Variants in TTN observed in about 807,000 individuals in gnomAD.
TTN encodes the protein connectin.
TTN carries 1,525 observed loss-of-function variants against 3,223.0 expected under a neutral mutation model. The observed-to-expected ratio is 0.47, with a 90% CI of 0.45 to 0.49. The LOEUF (loss-of-function observed/expected upper bound fraction) is 0.49. Among genes scored for constraint, TTN ranks in the 20% least tolerant of loss-of-function variants. The pLI is 0.00. For synonymous variants in TTN, 14,094 were observed against 15,161.0 expected (o/e 0.93, Z 5.17); for missense variants, 40,786 against 43,424.0 (o/e 0.94, Z 5.40).
chr2:178,712,417 G>T lies in TTN; in HGVS notation c.27505C>A (p.Leu9169Met). 1 of 1,613,802 alleles carries T rather than the reference G, an allele frequency of 6.2e-7. No individual in the cohort carries two copies. The highest frequency in any genetic ancestry group is 8.5e-7 in the Non-Finnish European group (1 of 1,179,806). ...NITTTEKSAILEIPSSTVEDA... is the reference protein window; with the variant it reads ...NITTTEKSAIMEIPSSTVEDA... Reference sequence around the variant, plus strand: ...TCTACTGTGCTACTTGGAATTTCCAGGATTGCCGATTTTTCAGTCGTAGTT... The same window carrying T: ...TCTACTGTGCTACTTGGAATTTCCATGATTGCCGATTTTTCAGTCGTAGTT... Residue 9169 changes from leucine (L) to methionine (M), a missense_variant, in exon 95 of 363, where the codon CTG becomes ATG. Transcript: ENST00000589042.
rs1453789718 is a variant in TTN at position 178,560,231 on chromosome 2, CTT to C, written c.85899_85900del (p.Leu28635SerfsTer3). ...TAAGGGAGAGGTTTCACTTGGAAGA[CTT>C]AGGCCAGCAGCATTTTCTGCATAAA... On this transcript the variant is annotated frameshift_variant, in exon 326 of 363. Transcript: ENST00000589042. LOFTEE classifies it high-confidence loss of function. The C allele has an allele frequency of 1.2e-6, 2 of 1,613,776 alleles. No homozygotes were observed. The highest frequency in any genetic ancestry group is 1.1e-5 in the South Asian group (1 of 91,072).
rs1243412494 is a variant in TTN, at chr2:178,568,377, C to T, written c.77755G>A (p.Gly25919Arg). ...ATGTAGTTGGTGATTTGGCAGCCCC[C>T]TGTATATAATGGAGGGTTCCAAGAT... The part of the protein sequence containing the change: ...TLSWNPPLYT[G>R]GCQITNYIVQ... Residue 25919 changes from glycine to arginine, a missense_variant, in exon 326 of 363, where the codon GGG (glycine) becomes AGG (arginine). Physicochemically the swap from Gly to Arg is moderately radical, Grantham distance 125. Transcript: ENST00000589042. 1 of 1,613,238 alleles carries T rather than the reference C, an allele frequency of 6.2e-7. No individual in the cohort carries two copies. Among genetic ancestry groups the T allele is most frequent in the Non-Finnish European group, 8.5e-7 (1 of 1,179,540 alleles).
Position 178,547,223 on chromosome 2 carries a change from G to A in TTN, c.94302C>T (p.His31434=), listed in dbSNP as rs771212876. 2.0e-5 allele frequency: 33 copies of A among 1,613,656 alleles called. No homozygotes were observed. In the South Asian group the frequency reaches 2.1e-4, roughly 10 times the overall value. The change falls in exon 340 of 363, where the codon CAC becomes CAT. Residue 31434 remains histidine, a synonymous_variant. Coordinates refer to ENST00000589042, the MANE Select transcript of TTN (RefSeq NM_001267550.2). ...AMSIRWEEPY[H]DGGSKIIGYW... ...AGCCAATGATTTTACTGCCACCATC[G>A]TGGTAGGGTTCTTCCCAACGAATAG... is the stretch of plus-strand genomic sequence containing the variant.
rs2049601755 is a variant in TTN, at chr2:178,588,748, T to G, written c.62977A>C (p.Lys20993Gln). 6.2e-7 allele frequency: 1 copy of G among 1,613,206 alleles called. No homozygotes were observed. The highest frequency in any genetic ancestry group is 8.5e-7 in the Non-Finnish European group (1 of 1,179,564). ...VWNPPEYDGG[K>Q]SITGYFLEKK... Reference sequence around the variant, plus strand: ...TCCAAAAAGTATCCAGTTATAGACTTTCCACCATCATATTCAGGTGGATTC... The same window carrying G: ...TCCAAAAAGTATCCAGTTATAGACTGTCCACCATCATATTCAGGTGGATTC... Residue 20993 changes from lysine (K) to glutamine (Q), a missense_variant, in exon 304 of 363, where the codon AAG becomes CAG. Physicochemically the swap from Lys to Gln is moderately conservative, Grantham distance 53. Coordinates refer to ENST00000589042, the MANE Select transcript of TTN (RefSeq NM_001267550.2).
At chr2:178,697,259 T>C in intron 112 of TTN, 91 bp from the exon 113 acceptor site, 1 of 1,128,240 alleles carries the variant, frequency 8.9e-7, no homozygotes, top group Non-Finnish European at 1.2e-6. Flanking sequence ...GTTAGTTGTT[T>C]GTAGGAGCTA....
At chr2:178,672,536 A>G in intron 153 of TTN, 55 bp from the exon 154 acceptor site, 2 of 1,601,078 alleles carry the variant, frequency 1.2e-6, no homozygotes, top group Non-Finnish European at 1.7e-6. Context: ...TTTCATAGAC[A>G]AAAATCATCA....
At chr2:178,691,910 G>T in intron 121 of TTN, 106 bp downstream of exon 121, 1 of 874,982 alleles carries the variant, frequency 1.1e-6, no homozygotes, top group Non-Finnish European at 1.7e-6. Flanking sequence ...CAAGAAGAAT[G>T]TAAAAGAGAC....
Position 178,579,722 on chromosome 2 carries a change from G to C in TTN, c.67475C>G (p.Thr22492Ser). The stretch of plus-strand genomic sequence containing the variant: ...AACTCGTTGCCACTTATTTTCTTCA[G>C]TCAGGAAATCAACTACATATCCAAT... ...RIIGYVVDFL[T>S]EENKWQRVMK... The change falls in exon 319 of 363, where the codon ACT becomes AGT. Residue 22492 changes from threonine (T) to serine (S), a missense_variant. Transcript: ENST00000589042. The C allele has an allele frequency of 1.9e-6, 3 of 1,613,216 alleles. No homozygotes were observed. The highest frequency in any genetic ancestry group is 2.5e-6 in the Non-Finnish European group (3 of 1,179,500).
chr2:178,725,259 G>T, intron 71 of TTN, 109 bp downstream of exon 71: 1 of 1,179,154 alleles, frequency 8.5e-7, no homozygotes, highest in Non-Finnish European at 1.1e-6. Flanking sequence ...TCAAATAGAT[G>T]AGGATAAATA....
At position 178,685,605 on chromosome 2, in the gene TTN, A is replaced by G; in HGVS notation, c.32312-7T>C. On this transcript the variant is annotated splice_polypyrimidine_tract_variant and splice_region_variant and intron_variant, in intron 127 of 362. Coordinates refer to ENST00000589042, the MANE Select transcript of TTN (RefSeq NM_001267550.2). ...TCCTCAGGCTCTTCCATCACTTTAA[A>G]GACAGCAGTTTTAAAGAAGATAAAT... The G allele has an allele frequency of 6.2e-7, 1 of 1,612,592 alleles. No individual in the cohort carries two copies. Among genetic ancestry groups the G allele is most frequent in the African/African-American group, 1.3e-5 (1 of 75,008 alleles).
chr2:178,728,229 T>A lies in TTN; in HGVS notation c.19595A>T (p.His6532Leu). 6.2e-7 allele frequency: 1 copy of A among 1,613,212 alleles called. No homozygotes were observed. The highest frequency in any genetic ancestry group is 1.3e-5 in the African/African-American group (1 of 75,004). The change falls in exon 67 of 363, where the codon CAT (histidine) becomes CTT (leucine). Residue 6532 changes from histidine (H) to leucine (L), a missense_variant. By Grantham distance (99) the His-to-Leu change is moderately conservative (BLOSUM62 -3). Transcript: ENST00000589042. ...AACTTCCAGAGACACAGATCTCTCA[T>A]GGCACACAAGTCTGTATTTTGCACT... is the stretch of plus-strand genomic sequence containing the variant. ...STSAKYRLVCHERSVSLEVNN... is the reference protein window; with the variant it reads ...STSAKYRLVCLERSVSLEVNN...
chr2:178,649,035 T>C (rs1417880563), intron 213 of TTN, among the ~76,000 whole-genome samples: 1 of 152,174 alleles, frequency 6.6e-6, no homozygotes, highest in Non-Finnish European at 1.5e-5. Context: ...TTTCTACTAG[T>C]TGTAGCCATG....
Position 178,547,913 on chromosome 2 carries a change from G to T in TTN, c.93713C>A (p.Pro31238Gln). ...TTTGGGGGCAGGACGACCACTGATT[G>T]GTACGTCAATGGTAAATGGGCTTCC... is the stretch of plus-strand genomic sequence containing the variant. ...KAGSPFTIDV[P>Q]ISGRPAPKVT... The change falls in exon 339 of 363, where the codon CCA (proline) becomes CAA (glutamine). Residue 31238 changes from proline (P) to glutamine (Q), a missense_variant. Physicochemically the swap from Pro to Gln is moderately conservative, Grantham distance 76. Transcript: ENST00000589042. The T allele has an allele frequency of 6.2e-7, 1 of 1,613,784 alleles. No individual in the cohort carries two copies. The highest frequency in any genetic ancestry group is 2.2e-5 in the East Asian group (1 of 44,828).
In TTN at chr2:178,575,482, G is replaced by A. The variant is rs794729487; in HGVS notation, c.70650C>T (p.Ser23550=). The change falls in exon 326 of 363, where the codon AGC becomes AGT. Residue 23550 remains serine (S), a synonymous_variant. Coordinates refer to ENST00000589042, the MANE Select transcript of TTN (RefSeq NM_001267550.2). The surrounding 1 kb of genome is among the most constrained non-coding windows in gnomAD (Gnocchi z 4.0). ...NIMDITKSTV[S]LAWPKPKHDG... is the part of the protein sequence containing the mutation. ...CGTGTTTGGGCTTAGGCCATGCCAG[G>A]CTGACGGTGCTCTTAGTTATGTCCA... 1.9e-6 allele frequency: 3 copies of A among 1,613,522 alleles called. No homozygotes were observed. The highest frequency in any genetic ancestry group is 2.5e-6 in the Non-Finnish European group (3 of 1,179,660).
chr2:178,594,844 A>G (rs886352032), intron 295 of TTN, among the ~76,000 whole-genome samples, 198 bp from the exon 296 acceptor site: 2 of 152,130 alleles, frequency 1.3e-5, no homozygotes, highest in Admixed American at 6.5e-5. Context: ...CACTTGACAG[A>G]TGAGGAAATA....
chr2:178,559,487 A>G lies in TTN; in HGVS notation c.86645T>C (p.Ile28882Thr), dbSNP rs374491926. 6 of 1,613,484 alleles carry G rather than the reference A, an allele frequency of 3.7e-6. No individual in the cohort carries two copies. The African/African-American group carries it at 5.3e-5, about 14-fold the overall frequency. The change falls in exon 326 of 363, where the codon ATA becomes ACA. Residue 28882 changes from isoleucine to threonine, a missense_variant. Ile to Thr is a moderately conservative substitution (Grantham distance 89). Transcript: ENST00000589042. ...DGGAPVKNYH[I>T]EKREASKKAW... ...TTTCTTGCTGGCCTCACGTTTTTCT[A>G]TGTGGTAATTCTTCACTGGTGCTCC...
chr2:178,631,317 A>C lies in TTN; in HGVS notation c.43748-17T>G. 1 of 1,589,256 alleles carries C rather than the reference A, an allele frequency of 6.3e-7. No homozygotes were observed. The highest frequency in any genetic ancestry group is 1.1e-5 in the South Asian group (1 of 87,438). ...GGTCTCCCTCTGCAAGTAAAGTATA[A>C]GTGAAAAGCTTTTATTAATCACCTT... is the stretch of plus-strand genomic sequence containing the variant. On this transcript the variant is annotated splice_polypyrimidine_tract_variant and intron_variant, in intron 236 of 362. Transcript: ENST00000589042.
rs1333523637 is a variant in TTN at position 178,573,453 on chromosome 2, T to G, written c.72679A>C (p.Lys24227Gln). Residue 24227 changes from lysine to glutamine, a missense_variant, in exon 326 of 363, where the codon AAA becomes CAA. Physicochemically the swap from Lys to Gln is moderately conservative, Grantham distance 53. Coordinates refer to ENST00000589042, the MANE Select transcript of TTN (RefSeq NM_001267550.2). ...GTAATAGTTGTCACTTCAGGGTTTTTGGGCGGATCAGGGGGTCCATAAGGA... is the reference window on the plus strand; with the variant it reads ...GTAATAGTTGTCACTTCAGGGTTTTGGGGCGGATCAGGGGGTCCATAAGGA... ...VNPYGPPDPPKNPEVTTITKD... is the reference protein window; with the variant it reads ...VNPYGPPDPPQNPEVTTITKD... 2 of 1,516,202 alleles carry G rather than the reference T, an allele frequency of 1.3e-6. No homozygotes were observed. Among genetic ancestry groups the G allele is most frequent in the Non-Finnish European group, 1.8e-6 (2 of 1,135,546 alleles). 93.9% of individuals were successfully genotyped at this position (1,516,202 alleles called of 1,614,324 possible).
In TTN at chr2:178,561,636, C is replaced by T. The variant is rs1703694418; in HGVS notation, c.84496G>A (p.Ala28166Thr). 6.2e-7 allele frequency: 1 copy of T among 1,611,064 alleles called. No individual in the cohort carries two copies. Among genetic ancestry groups the T allele is most frequent in the East Asian group, 2.2e-5 (1 of 44,726 alleles). Residue 28166 changes from alanine to threonine, a missense_variant, in exon 326 of 363, where the codon GCC becomes ACC. Physicochemically the swap from Ala to Thr is moderately conservative, Grantham distance 58. Transcript: ENST00000589042. ...GTTACAAGCATGGTAGATTTTGTGG[C>T]ATGCACAACTTTAGGAGTACCAGGA... ...GPPGTPKVVH[A>T]TKSTMLVTWQ...
Sources: gnomAD v4.1 joint callset for allele counts (sites outside exome capture counted in the v4.1 genomes callset) on GRCh38, gnomAD v4.1.1 for gene constraint, Gnocchi (gnomAD v3.1) non-coding constraint, MANE v1.5 for transcripts, NCBI Gene and HGNC (gene_info 2026-07-23, HGNC 2026-07-21) for gene names.